PCDH7: variants seen among roughly 807,000 people sequenced by gnomAD.
PCDH7 encodes the protein protocadherin 7.
A neutral mutation model predicts 58.9 loss-of-function variants in PCDH7; 17 were observed. That is an observed-to-expected ratio of 0.29 (90% CI 0.20 to 0.43). The LOEUF is 0.43. PCDH7 is among the 20% of genes least tolerant of loss of function. PCDH7 has a pLI of 1.00. For synonymous variants in PCDH7, 664 were observed against 616.4 expected, an observed-to-expected ratio of 1.08 and a Z score of -1.14; for missense variants, 1,274 against 1,441.0, an observed-to-expected ratio of 0.88 and a Z score of 1.88.
chr4:30,919,238 A>ATTC (rs5857212), intron 1 of PCDH7, among the ~76,000 whole-genome samples: 117,147 of 151,678 alleles, frequency 0.77, 46,038 homozygotes, highest in African/African-American at 0.94. Context: ...CCAAATTATT[A>ATTC]TTATGTAGCA....
At chr4:30,851,425 A>G (rs1364778913) in intron 1 of PCDH7, among the ~76,000 whole-genome samples, 1 of 151,972 alleles carries the variant, frequency 6.6e-6, no homozygotes, top group East Asian at 1.9e-4. Flanking sequence ...GTGACATAAG[A>G]CATTCTCTGG....
chr4:30,959,012 A>G (rs1351391614), intron 3 of PCDH7, among the ~76,000 whole-genome samples: 1 of 152,160 alleles, frequency 6.6e-6, no homozygotes, highest in East Asian at 1.9e-4. Context: ...GCACCAGATT[A>G]GCAAAATTAG....
intron 1 of PCDH7, among the ~76,000 whole-genome samples, chr4:30,821,423 G>A (rs1433471705): frequency 6.6e-6 from 1 of 152,226 alleles, no homozygotes; most frequent in East Asian, 1.9e-4. Flanking sequence ...CAATTGCACA[G>A]TTGACTCATG....
chr4:31,028,077 G>A (rs1049942340), intron 3 of PCDH7, among the ~76,000 whole-genome samples: 1 of 151,964 alleles, frequency 6.6e-6, no homozygotes, highest in Non-Finnish European at 1.5e-5. Context: ...TAATACAAGA[G>A]AAATACTCTA....
At position 30,751,582 on chromosome 4, in the gene PCDH7, T is replaced by A. The variant is rs373583040; in HGVS notation, c.70+26986T>A. 3.9e-5 allele frequency among the ~76,000 whole-genome samples: 6 copies of A among 152,262 alleles called. No homozygotes were observed. In the South Asian group the frequency reaches 1.2e-3, roughly 32 times the overall value. Reference sequence around the variant, plus strand: ...AATTGGATCCAAATATTATATTATGTGGATGTTCCTAAATTTGACAGTATT... The same window carrying A: ...AATTGGATCCAAATATTATATTATGAGGATGTTCCTAAATTTGACAGTATT... On this transcript the variant is annotated intron_variant, in intron 1 of 3. Transcript: ENST00000509759.
At chr4:30,827,210 T>G (rs1039167995) in intron 1 of PCDH7, among the ~76,000 whole-genome samples, 1 of 152,206 alleles carries the variant, frequency 6.6e-6, no homozygotes, top group Admixed American at 6.6e-5. Flanking sequence ...ATATAGTGCT[T>G]GCTTTGGGCC....
In PCDH7 at chr4:30,930,700, G is replaced by A. The variant is rs371148486; in HGVS notation, c.287+10331G>A. On this transcript the variant is annotated intron_variant, in intron 2 of 3. Transcript: ENST00000509759. Reference sequence around the variant, plus strand: ...TAATTGCAGCACTTTGAGAGGCTGAGGTGGGTGGATTGCTTGTGCCCGGGA... The same window carrying A: ...TAATTGCAGCACTTTGAGAGGCTGAAGTGGGTGGATTGCTTGTGCCCGGGA... Among the ~76,000 whole-genome samples, 363 of 152,318 alleles carry A rather than the reference G, an allele frequency of 2.4e-3. 3 individuals carry two copies. The Middle Eastern group carries it at 0.027, about 11-fold the overall frequency.
chr4:31,127,588 C>T (rs1026806459), intron 3 of PCDH7, among the ~76,000 whole-genome samples: 1 of 152,050 alleles, frequency 6.6e-6, no homozygotes, highest in Non-Finnish European at 1.5e-5. Context: ...ACAATTACAC[C>T]TAATTCTAGA....
At chr4:30,919,064 G>C (rs1424447405) in intron 1 of PCDH7, among the ~76,000 whole-genome samples, 1 of 151,998 alleles carries the variant, frequency 6.6e-6, no homozygotes, top group Admixed American at 6.6e-5. Flanking sequence ...TTATTTTCTA[G>C]CAACATTAAT....
At chr4:31,143,720 C>T (rs892541416), downstream of PCDH7, 6 of 152,130 alleles carry the variant, frequency 3.9e-5, no homozygotes, top group African/African-American at 1.4e-4. Flanking sequence ...TCAGGGAAGT[C>T]ATGAAGTTGA....
chr4:30,845,148 A>G (rs1417088249), intron 1 of PCDH7, among the ~76,000 whole-genome samples: 1 of 152,138 alleles, frequency 6.6e-6, no homozygotes, highest in Non-Finnish European at 1.5e-5. Flanking sequence ...TAATTGTGCT[A>G]TTAGTTTATC....
At chr4:31,083,908 T>A (rs566820058) in intron 3 of PCDH7, among the ~76,000 whole-genome samples, 1 of 152,330 alleles carries the variant, frequency 6.6e-6, no homozygotes, top group African/African-American at 2.4e-5. Context: ...ATGCTTAATA[T>A]CATAAGTAAA....
chr4:30,931,744 C>T (rs915987448), intron 2 of PCDH7, among the ~76,000 whole-genome samples: 6 of 151,556 alleles, frequency 4.0e-5, no homozygotes, highest in African/African-American at 1.5e-4. Flanking sequence ...ACATCATTAT[C>T]AGAGGCCGGG....
At chr4:31,069,038 T>G (rs1419744083) in intron 3 of PCDH7, among the ~76,000 whole-genome samples, 1 of 152,056 alleles carries the variant, frequency 6.6e-6, no homozygotes, top group Non-Finnish European at 1.5e-5. Context: ...AACTTCTTAA[T>G]ATCTGTGTGT....
chr4:30,746,045 T>A lies in PCDH7; in HGVS notation c.70+21449T>A, dbSNP rs542812663. 3.9e-5 allele frequency among the ~76,000 whole-genome samples: 6 copies of A among 152,092 alleles called. No individual in the cohort carries two copies. In the South Asian group the frequency reaches 1.2e-3, roughly 32 times the overall value. ...GGTTTCAGCATGTTGGCCAGGCTGG[T>A]CTTGAACTCCTGACCTCAAGTGATC... is the stretch of plus-strand genomic sequence containing the variant. On this transcript the variant is annotated intron_variant, in intron 1 of 3. Coordinates refer to the PCDH7 transcript ENST00000509759.
intron 1 of PCDH7, among the ~76,000 whole-genome samples, chr4:30,865,068 A>G (rs1042227968): frequency 7.9e-5 from 12 of 152,052 alleles, no homozygotes; most frequent in African/African-American, 2.2e-4. Context: ...CACTGATCAT[A>G]CCCTACTAGT....
chr4:31,138,375 A>T (rs1451690973), intron 3 of PCDH7, among the ~76,000 whole-genome samples: 1 of 152,150 alleles, frequency 6.6e-6, no homozygotes, highest in African/African-American at 2.4e-5. Flanking sequence ...TGACTCTGTG[A>T]CATCTATTTC....
chr4:30,816,096 T>C lies in PCDH7; in HGVS notation c.70+91500T>C, dbSNP rs187384141. Among the ~76,000 whole-genome samples the C allele has an allele frequency of 3.7e-3, 571 of 152,348 alleles. 4 individuals carry two copies. Among genetic ancestry groups the C allele is most frequent in the Non-Finnish European group, 4.9e-3 (333 of 68,034 alleles). ...TTATTAATTTCCATTATTTTATAGATACATTATTGGTTTTGTTCATCCTTT... is the reference window on the plus strand; with the variant it reads ...TTATTAATTTCCATTATTTTATAGACACATTATTGGTTTTGTTCATCCTTT... On this transcript the variant is annotated intron_variant, in intron 1 of 3. Transcript: ENST00000509759.
chr4:30,933,495 GT>G (rs969442603), intron 2 of PCDH7, among the ~76,000 whole-genome samples: 1 of 152,070 alleles, frequency 6.6e-6, no homozygotes, highest in Non-Finnish European at 1.5e-5. Flanking sequence ...GTTATTGTTT[GT>G]TTGTTTTCTC....
Sources: gnomAD v4.1 joint callset for allele counts (sites outside exome capture counted in the v4.1 genomes callset) on GRCh38, gnomAD v4.1.1 for gene constraint, MANE v1.5 for transcripts, NCBI Gene and HGNC (gene_info 2026-07-23, HGNC 2026-07-21) for gene names.